The following UNC80 variants were observed in gnomAD, a reference collection of about 807,000 sequenced individuals.
The protein encoded by UNC80 is unc-80 subunit of NALCN channel complex.
Under a neutral mutation model 384.6 loss-of-function variants are expected in UNC80, and 164 were observed. The observed-to-expected ratio is 0.43, with a 90% CI of 0.38 to 0.49. The LOEUF (loss-of-function observed/expected upper bound fraction) is 0.49, where lower values mean the gene tolerates loss of function less well. UNC80 is among the 20% of genes least tolerant of loss of function. The probability of loss-of-function intolerance (pLI) is 0.00; values close to 1 mark genes in which losing one functional copy is unlikely to be tolerated. For synonymous variants in UNC80, 1,486 were observed against 1,527.8 expected, an observed-to-expected ratio of 0.97 and a Z score of 0.64; for missense variants, 3,330 against 4,143.0, an observed-to-expected ratio of 0.80 and a Z score of 5.39.
chr2:209,842,349 G>C lies in UNC80; in HGVS notation c.3358-1G>C, dbSNP rs1186997983. ...ACTTTCCTTTTTTTTTCTTTTTTCAGGTCAAATTCACTAGTGCTGTGAAGC... is the reference window on the plus strand; with the variant it reads ...ACTTTCCTTTTTTTTTCTTTTTTCACGTCAAATTCACTAGTGCTGTGAAGC... On this transcript the variant is annotated splice_acceptor_variant, in intron 20 of 64. Transcript: ENST00000673920. LOFTEE classifies it high-confidence loss of function. The C allele has an allele frequency of 6.5e-7, 1 of 1,540,728 alleles. No homozygotes were observed. Among genetic ancestry groups the C allele is most frequent in the East Asian group, 2.5e-5 (1 of 40,808 alleles).
chr2:209,881,625 GCACA>G (rs113873662), intron 25 of UNC80, among the ~76,000 whole-genome samples: 210 of 147,188 alleles, frequency 1.4e-3, no homozygotes, highest in East Asian at 0.014. Context: ...ATGTGTGCAT[GCACA>G]CACACACACA....
chr2:209,972,430 A>G lies in UNC80; in HGVS notation c.8380+106A>G, dbSNP rs952053462. The G allele has an allele frequency of 5.3e-5, 76 of 1,423,434 alleles. 1 individual carries two copies. In the East Asian group the frequency reaches 1.9e-3, roughly 36 times the overall value. 88.2% of individuals were successfully genotyped at this position (1,423,434 alleles called of 1,614,324 possible). The stretch of plus-strand genomic sequence containing the variant: ...TCCCATGAAGGCTATCACTGAAGTC[A>G]GTCTGAATGATTTAAATAGGGTCAT... On this transcript the variant is annotated intron_variant, in intron 55 of 64. Coordinates refer to ENST00000673920, the MANE Select transcript of UNC80 (RefSeq NM_001371986.1).
chr2:209,832,464 T>C (rs1054287995), intron 16 of UNC80, among the ~76,000 whole-genome samples: 36 of 152,292 alleles, frequency 2.4e-4, no homozygotes, highest in Admixed American at 2.0e-3. Context: ...GTCTGTTAGA[T>C]ATTATGACTC....
chr2:209,976,102 CTT>C lies in UNC80; in HGVS notation c.8588-14_8588-13del. 8 of 1,540,950 alleles carry C rather than the reference CTT, an allele frequency of 5.2e-6. No homozygotes were observed. The highest frequency in any genetic ancestry group is 7.0e-6 in the Non-Finnish European group (8 of 1,142,320). ...CACACGTCCGCAGGCTCATTTTTCT[CTT>C]TTCCCGGTGTGAAGCGCTGAAGGTG... On this transcript the variant is annotated splice_polypyrimidine_tract_variant and intron_variant, in intron 56 of 64. Transcript: ENST00000673920. This position sits in a 1 kb window ranked among gnomAD's most constrained non-coding sequence, Gnocchi z 4.3.
chr2:209,995,119 A>C (rs2125035802), intron 64 of UNC80, among the ~76,000 whole-genome samples: 1 of 152,352 alleles, frequency 6.6e-6, no homozygotes, highest in Admixed American at 6.5e-5. Flanking sequence ...AAGATAAGCA[A>C]GACAAAAAAT....
At chr2:209,814,404 C>T (rs1174483521) in intron 8 of UNC80, among the ~76,000 whole-genome samples, 1 of 152,134 alleles carries the variant, frequency 6.6e-6, no homozygotes, top group South Asian at 2.1e-4. Context: ...CCACCACACC[C>T]GGCTAATTTT....
chr2:209,792,272 C>T (rs1324472056), intron 6 of UNC80, among the ~76,000 whole-genome samples: 1 of 152,230 alleles, frequency 6.6e-6, no homozygotes, highest in African/African-American at 2.4e-5. Context: ...CCACTGCACT[C>T]CAGACTGGGT....
chr2:209,987,807 C>T (rs1317755421), intron 61 of UNC80, among the ~76,000 whole-genome samples: 1 of 151,706 alleles, frequency 6.6e-6, no homozygotes, highest in Non-Finnish European at 1.5e-5. Flanking sequence ...ATAGTGGAAC[C>T]CATCTCATGA....
At chr2:209,922,461 C>CT in intron 35 of UNC80, 78 bp downstream of exon 35, 1 of 1,412,322 alleles carries the variant, frequency 7.1e-7, no homozygotes, top group Non-Finnish European at 9.5e-7. Flanking sequence ...CATGATCTCA[C>CT]TTGATTACAT....
At chr2:209,903,293 G>A (rs1215243189) in intron 28 of UNC80, among the ~76,000 whole-genome samples, 2 of 117,436 alleles carry the variant, frequency 1.7e-5, no homozygotes, top group African/African-American at 3.1e-5. Context: ...GTGTGTGTGT[G>A]TATATACAAT....
intron 14 of UNC80, among the ~76,000 whole-genome samples, chr2:209,827,527 C>T (rs2080627583): frequency 6.6e-6 from 1 of 152,114 alleles, no homozygotes; most frequent in South Asian, 2.1e-4. Context: ...TGAGGGCATC[C>T]AGCCAGTGTT....
At chr2:209,917,578 T>C (rs2089656056) in intron 31 of UNC80, among the ~76,000 whole-genome samples, 199 bp from the exon 32 acceptor site, 1 of 152,206 alleles carries the variant, frequency 6.6e-6, no homozygotes, top group Admixed American at 6.5e-5. Context: ...TGAAATGTCA[T>C]GTTGTTGCTG....
At chr2:209,840,981 G>A (rs1417344917) in intron 20 of UNC80, among the ~76,000 whole-genome samples, 1 of 152,120 alleles carries the variant, frequency 6.6e-6, no homozygotes, top group Non-Finnish European at 1.5e-5. Flanking sequence ...CCAAGGATCT[G>A]GTAATTTTAC....
chr2:209,774,086 A>T (rs2076732376), intron 2 of UNC80, among the ~76,000 whole-genome samples: 1 of 152,226 alleles, frequency 6.6e-6, no homozygotes, highest in Admixed American at 6.5e-5. Context: ...GGATATTGCC[A>T]TGCATATTTA....
intron 61 of UNC80, among the ~76,000 whole-genome samples, chr2:209,991,360 A>G (rs1335190616): frequency 6.6e-6 from 1 of 152,192 alleles, no homozygotes; most frequent in Non-Finnish European, 1.5e-5. Context: ...ATGCATGCAG[A>G]ATGAAAAAGG....
intron 4 of UNC80, among the ~76,000 whole-genome samples, chr2:209,778,138 C>T (rs1162424832): frequency 1.3e-5 from 2 of 152,146 alleles, no homozygotes; most frequent in African/African-American, 4.8e-5. Flanking sequence ...CGCGGTGGCT[C>T]ACACCTGTAA....
At chr2:209,911,600 C>T (rs1441590318) in intron 29 of UNC80, among the ~76,000 whole-genome samples, 1 of 152,160 alleles carries the variant, frequency 6.6e-6, no homozygotes, top group Non-Finnish European at 1.5e-5. Flanking sequence ...TATCTTTATC[C>T]ATAACACTAT....
chr2:209,809,407 T>G, intron 7 of UNC80: 2 of 1,372,700 alleles, frequency 1.5e-6, no homozygotes, highest in Non-Finnish European at 2.1e-6. Context: ...TGAGAAGCCC[T>G]TCTCCTGTAC....
intron 29 of UNC80, among the ~76,000 whole-genome samples, chr2:209,907,291 CAAAAAAA>C (rs35210647): frequency 7.3e-5 from 5 of 68,660 alleles, no homozygotes; most frequent in Admixed American, 3.3e-4. Flanking sequence ...CAATAATGGG[CAAAAAAA>C]AAAAAAAAAA....
Sources: allele counts gnomAD v4.1 joint callset (sites outside exome capture counted in the v4.1 genomes callset), GRCh38; gene constraint gnomAD v4.1.1; non-coding constraint Gnocchi (gnomAD v3.1); transcripts MANE v1.5; gene names NCBI Gene and HGNC (gene_info 2026-07-23, HGNC 2026-07-21).